The following DAB1 variants were observed in gnomAD, a reference collection of about 807,000 sequenced individuals.
DAB1 encodes the protein disabled homolog 1.
In DAB1, 15 loss-of-function variants were observed where a neutral mutation model predicts 64.6. The ratio of observed to expected loss-of-function variants is 0.23; its 90% CI spans 0.16 to 0.36. The LOEUF (loss-of-function observed/expected upper bound fraction) is 0.36, where lower values mean the gene tolerates loss of function less well. Ranked by LOEUF, DAB1 falls within the 10% of genes least tolerant of loss-of-function variation. The pLI is 1.00. For synonymous variants in DAB1, 235 were observed against 251.9 expected (o/e 0.93, Z 0.64); for missense variants, 596 against 706.7 (o/e 0.84, Z 1.78).
At chr1:57,764,371 A>G (rs1649217045) in intron 6 of DAB1, among the ~76,000 whole-genome samples, 1 of 152,210 alleles carries the variant, frequency 6.6e-6, no homozygotes, top group Non-Finnish European at 1.5e-5. Context: ...TATAACATGT[A>G]GTGATCAAAT....
intron 7 of DAB1, among the ~76,000 whole-genome samples, chr1:57,604,959 C>T (rs1286139491): frequency 2.6e-5 from 4 of 151,926 alleles, no homozygotes; most frequent in Admixed American, 2.6e-4. Context: ...CAACTCTTTC[C>T]AAATAACATG....
intron 5 of DAB1, among the ~76,000 whole-genome samples, chr1:57,969,510 A>G (rs529443132): frequency 8.5e-5 from 13 of 152,250 alleles, no homozygotes; most frequent in Non-Finnish European, 1.6e-4. Flanking sequence ...TTGTATTTAC[A>G]TAACATCCAA....
At chr1:58,541,614 CAAAAAA>C (rs60360589) in intron 1 of DAB1, 50 of 65,628 alleles carry the variant, frequency 7.6e-4, no homozygotes, top group Non-Finnish European at 1.2e-3. Flanking sequence ...GAGAACCTGT[CAAAAAA>C]AAAAAAAAAA....
At position 58,255,656 on chromosome 1, in the gene DAB1, C is replaced by A. The variant is rs184227052; in HGVS notation, n.309+87696G>T. On this transcript the variant is annotated intron_variant and non_coding_transcript_variant, in intron 4 of 20. Coordinates refer to the DAB1 transcript ENST00000485760. Reference sequence around the variant, plus strand: ...CTCTACTAGAGGGACTATGATTGACCAAGTCTGACACAGAATGAATCTTGT... The same window carrying A: ...CTCTACTAGAGGGACTATGATTGACAAAGTCTGACACAGAATGAATCTTGT... Among the ~76,000 whole-genome samples, 135 of 152,250 alleles carry A rather than the reference C, an allele frequency of 8.9e-4. 1 individual carries two copies. Among genetic ancestry groups the A allele is most frequent in the African/African-American group, 2.9e-3 (120 of 41,528 alleles).
intron 1 of DAB1, among the ~76,000 whole-genome samples, chr1:57,380,317 G>A (rs558382974): frequency 3.9e-5 from 6 of 152,132 alleles, no homozygotes; most frequent in Non-Finnish European, 7.4e-5. Context: ...CGTAAATAAA[G>A]CGTAGCCTAG....
At chr1:57,251,795 G>A (rs1306477681) in intron 2 of DAB1, among the ~76,000 whole-genome samples, 1 of 151,986 alleles carries the variant, frequency 6.6e-6, no homozygotes, top group African/African-American at 2.4e-5. Context: ...TTCTTTGTTT[G>A]GAGACAATAA....
At chr1:57,827,557 T>C (rs907187404) in intron 1 of DAB1, among the ~76,000 whole-genome samples, 1 of 152,172 alleles carries the variant, frequency 6.6e-6, no homozygotes, top group Non-Finnish European at 1.5e-5. Context: ...TGGTGAAGAT[T>C]TAACACAGTG....
At chr1:58,277,946 G>A (rs115368319) in intron 4 of DAB1, among the ~76,000 whole-genome samples, 2,286 of 152,196 alleles carry the variant, frequency 0.015, 63 homozygotes, top group African/African-American at 0.052. Flanking sequence ...TCACACCAGG[G>A]GCTTTTTCAC....
At chr1:58,041,527 C>T (rs1647136356) in intron 5 of DAB1, among the ~76,000 whole-genome samples, 1 of 152,206 alleles carries the variant, frequency 6.6e-6, no homozygotes, top group African/African-American at 2.4e-5. Flanking sequence ...ATTACCATCC[C>T]TGTGTTACAG....
intron 5 of DAB1, among the ~76,000 whole-genome samples, chr1:57,968,610 G>A (rs952117278): frequency 5.9e-5 from 9 of 152,062 alleles, no homozygotes; most frequent in Non-Finnish European, 1.2e-4. Context: ...GTAGATCTTC[G>A]AAATGCTACA....
chr1:58,001,308 G>C (rs955927902), intron 5 of DAB1, among the ~76,000 whole-genome samples: 2 of 152,084 alleles, frequency 1.3e-5, no homozygotes, highest in East Asian at 1.9e-4. Context: ...CTGTCACCCA[G>C]GCTGGAGTGC....
At chr1:57,181,025 A>G (rs768699277) in intron 2 of DAB1, among the ~76,000 whole-genome samples, 1 of 152,192 alleles carries the variant, frequency 6.6e-6, no homozygotes, top group Admixed American at 6.5e-5. Flanking sequence ...AATAGCTACC[A>G]TCATGTGTGT....
chr1:57,099,099 G>T (rs767182378), intron 4 of DAB1, among the ~76,000 whole-genome samples: 11 of 152,178 alleles, frequency 7.2e-5, no homozygotes, highest in Non-Finnish European at 1.3e-4. Context: ...TGAACTCACT[G>T]GTTCCACCAT....
chr1:57,808,784 A>G lies in DAB1; in HGVS notation n.551+75215T>C, dbSNP rs554286486. 2.6e-5 allele frequency among the ~76,000 whole-genome samples: 4 copies of G among 152,292 alleles called. No homozygotes were observed. In the South Asian group the frequency reaches 6.2e-4, roughly 24 times the overall value. ...CGTTATCTCATTTGATTCTACTCCA[A>G]TTATTTAGGGACAAAGAAGTCATAG... On this transcript the variant is annotated intron_variant and non_coding_transcript_variant, in intron 6 of 20. Coordinates refer to the DAB1 transcript ENST00000485760.
At chr1:57,656,309 G>A (rs1341879797) in intron 6 of DAB1, among the ~76,000 whole-genome samples, 1 of 152,158 alleles carries the variant, frequency 6.6e-6, no homozygotes, top group East Asian at 1.9e-4. Context: ...CTCAAGGAGA[G>A]GTCTGAGTAC....
chr1:58,151,865 A>G (rs757709771), intron 4 of DAB1, among the ~76,000 whole-genome samples: 1 of 152,234 alleles, frequency 6.6e-6, no homozygotes, highest in Non-Finnish European at 1.5e-5. Flanking sequence ...CCATTGGAAG[A>G]ACGGTTGAAG....
At chr1:58,000,564 CTTTTTTTTT>C (rs869176789) in intron 5 of DAB1, among the ~76,000 whole-genome samples, 13 of 95,742 alleles carry the variant, frequency 1.4e-4, no homozygotes, top group Admixed American at 1.1e-3. Context: ...TCTTTTTTGC[CTTTTTTTTT>C]TTTTTTTTTT....
intron 2 of DAB1, among the ~76,000 whole-genome samples, chr1:57,176,534 G>A (rs1662334527): frequency 6.6e-6 from 1 of 152,062 alleles, no homozygotes; most frequent in Admixed American, 6.5e-5. Context: ...TGAGATTTGG[G>A]TGGGGACACA....
chr1:57,824,239 C>T (rs1470076588), downstream of DAB1, among the ~76,000 whole-genome samples: 2 of 152,126 alleles, frequency 1.3e-5, no homozygotes, highest in African/African-American at 4.8e-5. Flanking sequence ...GGTTTGGTTC[C>T]AGCGTCCATA....
Sources: gnomAD v4.1 joint callset for allele counts (sites outside exome capture counted in the v4.1 genomes callset) on GRCh38, gnomAD v4.1.1 for gene constraint, MANE v1.5 for transcripts, NCBI Gene and HGNC (gene_info 2026-07-23, HGNC 2026-07-21) for gene names.